Variants in METAP1D observed in about 807,000 individuals in gnomAD.
METAP1D encodes methionyl aminopeptidase type 1D, mitochondrial.
METAP1D carries 31 observed loss-of-function variants against 40.5 expected under a neutral mutation model. That is an observed-to-expected ratio of 0.77 (90% CI 0.58 to 1.03). The LOEUF (loss-of-function observed/expected upper bound fraction) is 1.03, where lower values mean the gene tolerates loss of function less well. METAP1D is among the 50% of genes least tolerant of loss of function. The pLI, the probability that METAP1D is intolerant of heterozygous loss-of-function variation, is 0.00. For missense variants in METAP1D, 411 were observed against 420.7 expected, an observed-to-expected ratio of 0.98 and a Z score of 0.20; for synonymous variants, 151 against 146.4, an observed-to-expected ratio of 1.03 and a Z score of -0.22.
intron 4 of METAP1D, 43 bp downstream of exon 4, chr2:172,065,795 A>G: frequency 2.5e-6 from 4 of 1,583,420 alleles, no homozygotes; most frequent in Non-Finnish European, 3.4e-6. Context: ...GGAAACTAAA[A>G]CATGAAGCTA....
chr2:172,058,269 A>C (rs1371072285), intron 1 of METAP1D, among the ~76,000 whole-genome samples: 1 of 152,152 alleles, frequency 6.6e-6, no homozygotes, highest in East Asian at 1.9e-4. Flanking sequence ...AAGAACTATT[A>C]TTTATTGGGT....
At chr2:172,009,349 T>C (rs1294145236) in intron 1 of METAP1D, among the ~76,000 whole-genome samples, 1 of 152,058 alleles carries the variant, frequency 6.6e-6, no homozygotes, top group African/African-American at 2.4e-5. Flanking sequence ...GGCCTGGAAT[T>C]TTCTATTTAA....
chr2:172,072,181 T>C (rs149176314), intron 6 of METAP1D, among the ~76,000 whole-genome samples: 1 of 152,314 alleles, frequency 6.6e-6, no homozygotes, highest in Non-Finnish European at 1.5e-5. Context: ...AGAAATTTAA[T>C]GCATATCTCA....
At position 172,024,101 on chromosome 2, in the gene METAP1D, C is replaced by T. The variant is rs187553669; in HGVS notation, c.40+24092C>T. ...GTCTCGATCTCCTGACCTCGTGATCCGCTCACCTTGGCCTCCCAAAGTGCT... is the reference window on the plus strand; with the variant it reads ...GTCTCGATCTCCTGACCTCGTGATCTGCTCACCTTGGCCTCCCAAAGTGCT... On this transcript the variant is annotated intron_variant, in intron 1 of 9. Transcript: ENST00000315796. Among the ~76,000 whole-genome samples the T allele has an allele frequency of 1.3e-3, 201 of 152,190 alleles. 2 individuals carry two copies. The highest frequency in any genetic ancestry group is 0.013 in the Admixed American group (198 of 15,282).
rs1419960120 is a variant in METAP1D at position 172,071,039 on chromosome 2, G to A, written c.673G>A (p.Ala225Thr). The A allele has an allele frequency of 1.9e-6, 3 of 1,611,542 alleles. No individual in the cohort carries two copies. The highest frequency in any genetic ancestry group is 2.2e-5 in the East Asian group (1 of 44,788). Residue 225 changes from alanine to threonine, a missense_variant, in exon 6 of 10, where the codon GCT becomes ACT. By Grantham distance (58) the Ala-to-Thr change is moderately conservative (BLOSUM62 0). Transcript: ENST00000315796. ...DEAIAACRAG[A>T]PFSVIGNTIS... ...AGCAATTGCAGCTTGCAGAGCAGGG[G>A]CTCCCTTCTCTGTAATTGGAAACAC...
chr2:172,062,462 T>G (rs1171735247), intron 2 of METAP1D, among the ~76,000 whole-genome samples: 1 of 152,258 alleles, frequency 6.6e-6, no homozygotes, highest in East Asian at 1.9e-4. Flanking sequence ...CTGACACTTT[T>G]TTCCTTAGAA....
chr2:172,015,954 C>A (rs1402603789), intron 1 of METAP1D, among the ~76,000 whole-genome samples: 1 of 146,880 alleles, frequency 6.8e-6, no homozygotes, highest in African/African-American at 2.5e-5. Flanking sequence ...ACTCTTGTGT[C>A]TTAAAACTAT....
rs1182192547 is a variant in METAP1D at position 172,068,895 on chromosome 2, TTTTTCTTTTTCTTTGTTTCC to T, written c.541-2001_541-1982del. On this transcript the variant is annotated intron_variant, in intron 5 of 9. Coordinates refer to ENST00000315796, the MANE Select transcript of METAP1D (RefSeq NM_199227.3). ...CTCCCTCCCTTCCTCCCTTCCTTTC[TTTTTCTTTTTCTTTGTTTCC>T]TTTTCTTTTTTTACTTTTTCAGATA... Among the ~76,000 whole-genome samples, 4 of 152,138 alleles carry T rather than the reference TTTTTCTTTTTCTTTGTTTCC, an allele frequency of 2.6e-5. No homozygotes were observed. The East Asian group carries it at 5.8e-4, about 22-fold the overall frequency.
At chr2:172,059,926 C>CTGGTGGTGCGCCTGG (rs1690097442) in intron 1 of METAP1D, among the ~76,000 whole-genome samples, 1 of 152,148 alleles carries the variant, frequency 6.6e-6, no homozygotes, top group Admixed American at 6.5e-5. Context: ...TGGTGCGCGC[C>CTGGTGGTGCGCCTGG]TGCAGTCCCA....
intron 1 of METAP1D, among the ~76,000 whole-genome samples, chr2:172,049,554 G>T (rs1689842555): frequency 6.6e-6 from 1 of 152,060 alleles, no homozygotes; most frequent in Admixed American, 6.6e-5. Context: ...ACCAAAAACT[G>T]TCGAGTGAGT....
At chr2:172,000,079 G>C (rs555462674) in intron 1 of METAP1D, 70 bp downstream of exon 1, 14 of 1,241,920 alleles carry the variant, frequency 1.1e-5, no homozygotes, top group Non-Finnish European at 1.4e-5. Context: ...CGGGTCCAAA[G>C]GGATGCGCAC....
At chr2:172,016,793 G>A (rs1168481521) in intron 1 of METAP1D, among the ~76,000 whole-genome samples, 1 of 152,030 alleles carries the variant, frequency 6.6e-6, no homozygotes, top group Admixed American at 6.6e-5. Context: ...CTGGTCTCCA[G>A]TCCTTCCACT....
At chr2:172,025,490 G>C (rs946286311) in intron 1 of METAP1D, among the ~76,000 whole-genome samples, 1 of 151,858 alleles carries the variant, frequency 6.6e-6, no homozygotes, top group Non-Finnish European at 1.5e-5. Flanking sequence ...CACCATACCT[G>C]GATAATTTTT....
At chr2:172,058,683 T>C (rs1320090790) in intron 1 of METAP1D, among the ~76,000 whole-genome samples, 1 of 152,202 alleles carries the variant, frequency 6.6e-6, no homozygotes, top group East Asian at 1.9e-4. Flanking sequence ...ACCTGAGTTT[T>C]GTAACTTCTT....
At chr2:172,019,382 A>T (rs1300503187) in intron 1 of METAP1D, among the ~76,000 whole-genome samples, 3 of 152,024 alleles carry the variant, frequency 2.0e-5, no homozygotes, top group African/African-American at 7.2e-5. Context: ...CTCAAGAAAA[A>T]TTTTCCAACC....
chr2:172,028,548 G>GTTTTCCTACACA lies in METAP1D; in HGVS notation c.40+28540_40+28541insTTTCCTACACAT, dbSNP rs1403133738. ...CAGACTTCTGTATGTGTGTCTGTGT[G>GTTTTCCTACACA]TGTGTGTGTGTGTGTGTGTGTGTGT... On this transcript the variant is annotated intron_variant, in intron 1 of 9. Coordinates refer to ENST00000315796, the MANE Select transcript of METAP1D (RefSeq NM_199227.3). 1.0e-3 allele frequency among the ~76,000 whole-genome samples: 7 copies of GTTTTCCTACACA among 6,672 alleles called. 1 individual carries two copies. The South Asian group carries it at 0.036, about 34-fold the overall frequency. The allele number at this position is 6,672 out of a possible 152,430, so 4.4% of individuals were successfully genotyped here.
Position 172,071,063 on chromosome 2 carries a change from A to G in METAP1D, c.697A>G (p.Thr233Ala). The change falls in exon 6 of 10, where the codon ACA (threonine) becomes GCA (alanine). Residue 233 changes from threonine to alanine, a missense_variant. By Grantham distance (58) the Thr-to-Ala change is moderately conservative. Transcript: ENST00000315796. Reference protein sequence around the residue: ...AGAPFSVIGNTISHITHQNGF... With the variant: ...AGAPFSVIGNAISHITHQNGF... ...GGCTCCCTTCTCTGTAATTGGAAAC[A>G]CAATCAGGTAAGCCTTACATTGACA... 6.2e-7 allele frequency: 1 copy of G among 1,609,566 alleles called. No homozygotes were observed. Among genetic ancestry groups the G allele is most frequent in the East Asian group, 2.2e-5 (1 of 44,736 alleles).
chr2:172,052,288 C>A (rs1689902846), intron 1 of METAP1D, among the ~76,000 whole-genome samples: 1 of 152,176 alleles, frequency 6.6e-6, no homozygotes, highest in South Asian at 2.1e-4. Context: ...CCACTTTTCT[C>A]TCTGTAATGG....
chr2:172,005,520 T>TTTTTTATATA lies in METAP1D; in HGVS notation c.40+5512_40+5513insTTTTATATAT, dbSNP rs1267182910. 2.5e-3 allele frequency among the ~76,000 whole-genome samples: 281 copies of TTTTTTATATA among 110,944 alleles called. 1 individual carries two copies. The highest frequency in any genetic ancestry group is 4.1e-3 in the Non-Finnish European group (229 of 55,274). The allele number at this position is 110,944 out of a possible 152,430, so 72.8% of individuals were successfully genotyped here. A position where few individuals can be genotyped will look rare whatever the true frequency, so the allele number is the denominator to read the frequency against. On this transcript the variant is annotated intron_variant, in intron 1 of 9. Coordinates refer to ENST00000315796, the MANE Select transcript of METAP1D (RefSeq NM_199227.3). The stretch of plus-strand genomic sequence containing the variant: ...AGTAGTATTCCATGGTGTCTGTATT[T>TTTTTTATATA]TATATATATATATATATATATATAT...
Sources: allele counts gnomAD v4.1 joint callset (sites outside exome capture counted in the v4.1 genomes callset), GRCh38; gene constraint gnomAD v4.1.1; transcripts MANE v1.5; gene names NCBI Gene and HGNC (gene_info 2026-07-23, HGNC 2026-07-21).